AFF3: variants seen among roughly 807,000 people sequenced by gnomAD.
The protein encoded by AFF3 is AF4/FMR2 family member 3.
In AFF3, 32 loss-of-function variants were observed where a neutral mutation model predicts 129.7. The ratio of observed to expected loss-of-function variants is 0.25; its 90% CI spans 0.19 to 0.33. The LOEUF (loss-of-function observed/expected upper bound fraction) is 0.33, where lower values mean the gene tolerates loss of function less well. Among genes scored for constraint, AFF3 ranks in the 10% least tolerant of loss-of-function variants. AFF3 has a pLI of 1.00. For synonymous variants in AFF3, 644 were observed against 635.4 expected, an observed-to-expected ratio of 1.01 and a Z score of -0.20; for missense variants, 1,373 against 1,592.0, an observed-to-expected ratio of 0.86 and a Z score of 2.34.
intron 13 of AFF3, among the ~76,000 whole-genome samples, chr2:99,622,956 G>A (rs1166514615): frequency 6.6e-6 from 1 of 152,164 alleles, no homozygotes; most frequent in African/African-American, 2.4e-5. Context: ...TTCAAACAAA[G>A]GTAGCCTTGC....
intron 4 of AFF3, among the ~76,000 whole-genome samples, chr2:100,053,026 T>C (rs1686476090): frequency 6.6e-6 from 1 of 152,144 alleles, no homozygotes; most frequent in African/African-American, 2.4e-5. Flanking sequence ...GAGGGGGAAA[T>C]TGATCCTGAG....
chr2:99,998,440 G>A (rs1681058273), intron 7 of AFF3, among the ~76,000 whole-genome samples: 1 of 152,082 alleles, frequency 6.6e-6, no homozygotes, highest in Non-Finnish European at 1.5e-5. Flanking sequence ...GCATCCCTCG[G>A]GGGATGGAGG....
intron 1 of AFF3, among the ~76,000 whole-genome samples, chr2:100,132,343 C>T (rs1281084385): frequency 6.6e-6 from 1 of 152,098 alleles, no homozygotes; most frequent in Non-Finnish European, 1.5e-5. Flanking sequence ...TATATCAAAG[C>T]ATCATGCTAT....
At chr2:100,083,075 A>G (rs1689150003) in intron 4 of AFF3, among the ~76,000 whole-genome samples, 1 of 152,210 alleles carries the variant, frequency 6.6e-6, no homozygotes, top group Non-Finnish European at 1.5e-5. Context: ...GGGCAACAAG[A>G]GCAAAACTCC....
At chr2:99,668,807 C>G (rs7566953) in intron 12 of AFF3, among the ~76,000 whole-genome samples, 86,951 of 151,660 alleles carry the variant, frequency 0.57, 25,502 homozygotes, top group African/African-American at 0.71. Flanking sequence ...GATGATCCAC[C>G]TGCCTTGGCC....
At position 99,546,977 on chromosome 2, in the gene AFF3, C is replaced by T. The variant is rs1055722268; in HGVS notation, c.*4497G>A. ...GTGCATGCATGTGCGCGCGTGTGTG[C>T]GTATGTGTATGTATCAGGAAATAGC... On this transcript the variant is annotated 3_prime_UTR_variant, in exon 25 of 25. Transcript: ENST00000672756. The T allele has an allele frequency of 8.6e-5, 19 of 220,530 alleles. No homozygotes were observed. Among genetic ancestry groups the T allele is most frequent in the Admixed American group, 2.9e-4 (5 of 17,332 alleles). 13.7% of individuals were successfully genotyped at this position (220,530 alleles called of 1,614,324 possible).
Position 99,986,255 on chromosome 2 carries a change from A to G in AFF3, c.873+20377T>C, listed in dbSNP as rs149919082. On this transcript the variant is annotated intron_variant, in intron 7 of 24. Coordinates refer to ENST00000672756, the MANE Select transcript of AFF3 (RefSeq NM_001386135.1). ...ATAATAATAATAATAATAATAATGT[A>G]GGACATGCACTGTGTTTTCTGATTT... Among the ~76,000 whole-genome samples the G allele has an allele frequency of 9.2e-3, 1,307 of 142,448 alleles. 19 individuals carry two copies. Among genetic ancestry groups the G allele is most frequent in the African/African-American group, 0.032 (1,236 of 39,086 alleles). The allele number at this position is 142,448 out of a possible 152,430, so 93.5% of individuals were successfully genotyped here.
At chr2:99,741,851 G>A (rs1263382400) in intron 10 of AFF3, among the ~76,000 whole-genome samples, 2 of 152,054 alleles carry the variant, frequency 1.3e-5, no homozygotes, top group East Asian at 1.9e-4. Flanking sequence ...AAAACAGCAT[G>A]GTACTGGTAC....
At chr2:99,631,891 G>A (rs1683149540) in intron 13 of AFF3, among the ~76,000 whole-genome samples, 2 of 151,478 alleles carry the variant, frequency 1.3e-5, no homozygotes, top group Non-Finnish European at 2.9e-5. Context: ...TTGATGATGT[G>A]GTAATTTTAT....
intron 24 of AFF3, among the ~76,000 whole-genome samples, chr2:99,552,877 C>A (rs1674533808): frequency 6.6e-6 from 1 of 152,194 alleles, no homozygotes; most frequent in Non-Finnish European, 1.5e-5. Context: ...TCTGTTTTGT[C>A]CACTGGTGAC....
chr2:99,947,501 A>C (rs924846290), intron 7 of AFF3, among the ~76,000 whole-genome samples: 3 of 104,102 alleles, frequency 2.9e-5, no homozygotes, highest in African/African-American at 5.0e-5. Flanking sequence ...AAGAAAAAGA[A>C]AGAAAGAAAA....
At chr2:99,859,219 C>G (rs1690783175) in intron 7 of AFF3, among the ~76,000 whole-genome samples, 3 of 152,234 alleles carry the variant, frequency 2.0e-5, no homozygotes, top group Admixed American at 2.0e-4. Context: ...ATCCTCAGCA[C>G]TCTGGTGCAC....
chr2:99,593,798 G>T lies in AFF3; in HGVS notation c.1863C>A (p.Pro621=), dbSNP rs767880726. 1.1e-5 allele frequency: 17 copies of T among 1,611,450 alleles called. No homozygotes were observed. The highest frequency in any genetic ancestry group is 1.4e-5 in the Non-Finnish European group (16 of 1,179,666). Residue 621 remains proline (P), a synonymous_variant, in exon 15 of 25, where the codon CCC becomes CCA. Coordinates refer to ENST00000672756, the MANE Select transcript of AFF3 (RefSeq NM_001386135.1). ...ADALGTSVVV[P]PEPTKTRPCG... ...AGGGCCTGGTTTTGGTGGGCTCCGGGGGGACCACCACGCTCGTCCCCAGCG... is the reference window on the plus strand; with the variant it reads ...AGGGCCTGGTTTTGGTGGGCTCCGGTGGGACCACCACGCTCGTCCCCAGCG...
intron 7 of AFF3, among the ~76,000 whole-genome samples, chr2:99,901,379 CTG>C (rs1694332276): frequency 6.6e-6 from 1 of 152,220 alleles, no homozygotes; most frequent in Non-Finnish European, 1.5e-5. Flanking sequence ...GTGCAGCAAT[CTG>C]TGTTTCTCCC....
At chr2:99,997,206 C>T (rs73964397) in intron 7 of AFF3, among the ~76,000 whole-genome samples, 4,349 of 152,260 alleles carry the variant, frequency 0.029, 122 homozygotes, top group African/African-American at 0.071. Context: ...TGGGTCACCT[C>T]CACTTGGATG....
intron 4 of AFF3, among the ~76,000 whole-genome samples, chr2:100,028,619 C>T (rs1357247432): frequency 6.6e-6 from 1 of 152,098 alleles, no homozygotes; most frequent in Non-Finnish European, 1.5e-5. Flanking sequence ...AAGATGTTAA[C>T]AGTGGCTATT....
At position 99,756,523 on chromosome 2, in the gene AFF3, C is replaced by G. The variant is rs1682113442; in HGVS notation, c.922-4222G>C. Among the ~76,000 whole-genome samples the G allele has an allele frequency of 1.3e-5, 2 of 152,210 alleles. 1 individual carries two copies. The highest frequency in any genetic ancestry group is 4.1e-4 in the South Asian group (2 of 4,836). On this transcript the variant is annotated intron_variant, in intron 8 of 24. Coordinates refer to ENST00000672756, the MANE Select transcript of AFF3 (RefSeq NM_001386135.1). The stretch of plus-strand genomic sequence containing the variant: ...GACTGGAAGAGGCATGAGTTCCAAG[C>G]TAATACCTGCCTGCACCCTCTGTCT...
intron 8 of AFF3, among the ~76,000 whole-genome samples, chr2:99,778,478 C>T (rs528673915): frequency 4.6e-5 from 7 of 152,296 alleles, no homozygotes; most frequent in Admixed American, 2.0e-4. Flanking sequence ...CAACTCCCAC[C>T]ATAACTGGCT....
intron 1 of AFF3, among the ~76,000 whole-genome samples, chr2:100,133,310 C>A (rs1410165945): frequency 1.3e-5 from 2 of 151,938 alleles, no homozygotes; most frequent in Non-Finnish European, 2.9e-5. Flanking sequence ...TAAAAAAAAA[C>A]ACCCTGCACT....
Sources: allele counts gnomAD v4.1 joint callset (sites outside exome capture counted in the v4.1 genomes callset), GRCh38; gene constraint gnomAD v4.1.1; transcripts MANE v1.5; gene names NCBI Gene and HGNC (gene_info 2026-07-23, HGNC 2026-07-21).